Variants in LOC400499 observed in about 807,000 individuals in gnomAD.
chr16:11,404,864 G>A, the LOC400499 span: 252 of 398,962 alleles, frequency 6.3e-4, 3 homozygotes, highest in East Asian at 8.8e-3. Flanking sequence ...GAAGAGCGCT[G>A]AGCTGGAAGA....
At chr16:11,421,182 A>G in the LOC400499 span, among the ~76,000 whole-genome samples, 1 of 152,144 alleles carries the variant, frequency 6.6e-6, no homozygotes, top group Non-Finnish European at 1.5e-5. Flanking sequence ...GCCAGGGGTG[A>G]GCTCTCTGTC....
At chr16:11,389,105 G>C in the LOC400499 span, among the ~76,000 whole-genome samples, 1 of 152,050 alleles carries the variant, frequency 6.6e-6, no homozygotes, top group African/African-American at 2.4e-5. Context: ...AAACAGGCCA[G>C]GCACATCCCT....
chr16:11,414,788 C>T, the LOC400499 span, among the ~76,000 whole-genome samples: 1 of 152,210 alleles, frequency 6.6e-6, no homozygotes, highest in Non-Finnish European at 1.5e-5. Context: ...CAAGAAGCTT[C>T]CCTTGACTGC....
the LOC400499 span, chr16:11,518,797 A>T: frequency 7.5e-6 from 3 of 398,222 alleles, no homozygotes; most frequent in Non-Finnish European, 1.3e-5. Context: ...GTCCTAATCT[A>T]ATTCAGTGCA....
At chr16:11,458,124 C>T in the LOC400499 span, among the ~76,000 whole-genome samples, 2 of 152,238 alleles carry the variant, frequency 1.3e-5, no homozygotes, top group Non-Finnish European at 2.9e-5. Context: ...GCAGGCGGAT[C>T]ACCCGAGGTC....
At chr16:11,475,294 T>A in the LOC400499 span, among the ~76,000 whole-genome samples, 1 of 152,176 alleles carries the variant, frequency 6.6e-6, no homozygotes, top group Non-Finnish European at 1.5e-5. Context: ...CAAACCTGCA[T>A]GTTCTGCACA....
chr16:11,478,662 C>G, the LOC400499 span: 4 of 399,094 alleles, frequency 1.0e-5, no homozygotes, highest in Non-Finnish European at 1.8e-5. Context: ...GCAGAGCCTG[C>G]CGGGCCCCAC....
chr16:11,492,756 G>A, the LOC400499 span, among the ~76,000 whole-genome samples: 85 of 150,776 alleles, frequency 5.6e-4, no homozygotes, highest in South Asian at 0.017. Flanking sequence ...CCGCACTCCA[G>A]CCTGGGTGAC....
At chr16:11,459,357 C>T in the LOC400499 span, among the ~76,000 whole-genome samples, 1 of 151,776 alleles carries the variant, frequency 6.6e-6, no homozygotes, top group Non-Finnish European at 1.5e-5. Context: ...CCCCCGCGCC[C>T]AGCTAATTTT....
chr16:11,425,511 T>G, the LOC400499 span: 136,028 of 398,168 alleles, frequency 0.34, 24,524 homozygotes, highest in African/African-American at 0.52. Context: ...GGAAAAGAAT[T>G]TGGGGGTAAG....
At chr16:11,415,505 G>T in the LOC400499 span, among the ~76,000 whole-genome samples, 1 of 152,236 alleles carries the variant, frequency 6.6e-6, no homozygotes, top group African/African-American at 2.4e-5. Flanking sequence ...TAACACACGG[G>T]AGAGGACCAC....
the LOC400499 span, among the ~76,000 whole-genome samples, chr16:11,445,081 T>C: frequency 3.1e-5 from 3 of 96,450 alleles, no homozygotes; most frequent in African/African-American, 1.3e-4. Flanking sequence ...AGAGTGAGAC[T>C]TTGTCTTTAA....
chr16:11,419,521 C>T, the LOC400499 span, among the ~76,000 whole-genome samples: 217 of 152,238 alleles, frequency 1.4e-3, no homozygotes, highest in African/African-American at 4.8e-3. Context: ...TAGGCATTAC[C>T]ATTCAGGACA....
At chr16:11,469,980 G>A in the LOC400499 span, among the ~76,000 whole-genome samples, 10 of 152,172 alleles carry the variant, frequency 6.6e-5, no homozygotes, top group Non-Finnish European at 1.2e-4. Flanking sequence ...TCGGCTCACT[G>A]CAGCCTCTGC....
At chr16:11,384,071 G>A in the LOC400499 span, 1 of 1,231,172 alleles carries the variant, frequency 8.1e-7, no homozygotes, top group Non-Finnish European at 1.0e-6. Flanking sequence ...CGCGTACACT[G>A]GCCTCAGCAG....
chr16:11,495,841 C>T, the LOC400499 span, among the ~76,000 whole-genome samples: 2 of 152,148 alleles, frequency 1.3e-5, no homozygotes. Context: ...CCTCAGGTAG[C>T]CCACAGCTAT....
the LOC400499 span, chr16:11,460,604 G>GCCTGA: frequency 6.5e-7 from 1 of 1,533,074 alleles, no homozygotes; most frequent in Admixed American, 2.0e-5. Flanking sequence ...CGCCTGCTTT[G>GCCTGA]CCTGACCTGT....
At chr16:11,405,460 T>A in the LOC400499 span, among the ~76,000 whole-genome samples, 13 of 152,160 alleles carry the variant, frequency 8.5e-5, no homozygotes, top group East Asian at 2.5e-3. Flanking sequence ...ACAAGAGACA[T>A]TCAAGGGAGA....
the LOC400499 span, among the ~76,000 whole-genome samples, chr16:11,522,779 G>A: frequency 1.7e-4 from 26 of 152,180 alleles, no homozygotes; most frequent in Non-Finnish European, 3.2e-4. Flanking sequence ...GGGTTAGGGT[G>A]GGTTGTTATT....
Sources: allele counts gnomAD v4.1 joint callset (sites outside exome capture counted in the v4.1 genomes callset), GRCh38; gene constraint gnomAD v4.1.1; transcripts MANE v1.5.